Variants in PPM1H observed in about 807,000 individuals in gnomAD.
PPM1H encodes the protein protein phosphatase 1H.
Under a neutral mutation model 54.9 loss-of-function variants are expected in PPM1H, and 27 were observed. The observed-to-expected ratio is 0.49, with a 90% CI of 0.36 to 0.68. PPM1H has a LOEUF of 0.68. PPM1H is among the 30% of genes least tolerant of loss of function. PPM1H has a pLI of 0.00. For synonymous variants in PPM1H, 305 were observed against 270.8 expected (o/e 1.13, Z -1.24); for missense variants, 596 against 667.8 (o/e 0.89, Z 1.19).
At chr12:62,674,326 T>C (rs369238447) in intron 8 of PPM1H, among the ~76,000 whole-genome samples, 7 of 152,256 alleles carry the variant, frequency 4.6e-5, no homozygotes, top group African/African-American at 1.7e-4. Flanking sequence ...ATAGCCAAGG[T>C]GGTTCCCAAG....
chr12:62,661,119 G>A lies in PPM1H; in HGVS notation c.1397+6059C>T, dbSNP rs112387572. ...GACCAGTCAGCCACACTGACTGTTG[G>A]GTCCCAGAATGTGCCATGTTTTTTC... On this transcript the variant is annotated intron_variant, in intron 9 of 9. Transcript: ENST00000228705. 2.6e-4 allele frequency among the ~76,000 whole-genome samples: 39 copies of A among 152,156 alleles called. 1 individual carries two copies. Among genetic ancestry groups the A allele is most frequent in the African/African-American group, 8.7e-4 (36 of 41,504 alleles).
At position 62,908,657 on chromosome 12, in the gene PPM1H, C is replaced by T. The variant is rs146259869; in HGVS notation, c.245+25835G>A. On this transcript the variant is annotated intron_variant, in intron 1 of 9. Coordinates refer to ENST00000228705, the MANE Select transcript of PPM1H (RefSeq NM_020700.2). ...TGTATCATAGTAGGGGCTGCAACCA[C>T]CCGAAGGAATGGACTCCTCTTAAGT... 1.1e-3 allele frequency among the ~76,000 whole-genome samples: 168 copies of T among 152,172 alleles called. 1 individual carries two copies. The highest frequency in any genetic ancestry group is 3.9e-3 in the African/African-American group (163 of 41,508).
In PPM1H at chr12:62,934,903, CCCGGCCTCTCGT is replaced by C. The variant is rs1242493229; in HGVS notation, c.-179_-168del. ...AGCCTAGTGCTGCAGGGGGCCGAGC[CCCGGCCTCTCGT>C]GCTTAGTGCCGCGGTGGCCGCCGCC... On this transcript the variant is annotated 5_prime_UTR_variant, in exon 1 of 10. Coordinates refer to ENST00000228705, the MANE Select transcript of PPM1H (RefSeq NM_020700.2). This position sits in a 1 kb window ranked among gnomAD's most constrained non-coding sequence, Gnocchi z 4.2. The C allele has an allele frequency of 1.9e-6, 1 of 529,750 alleles. No homozygotes were observed. The highest frequency in any genetic ancestry group is 2.7e-6 in the Non-Finnish European group (1 of 365,248). The allele number at this position is 529,750 out of a possible 1,614,324, so 32.8% of individuals were successfully genotyped here. A position where few individuals can be genotyped will look rare whatever the true frequency, so the allele number is the denominator to read the frequency against.
intron 4 of PPM1H, among the ~76,000 whole-genome samples, chr12:62,783,514 T>C (rs993519221): frequency 6.6e-6 from 1 of 152,264 alleles, no homozygotes; most frequent in African/African-American, 2.4e-5. Flanking sequence ...AAGATCGAAC[T>C]CCCAGTCTTG....
intron 1 of PPM1H, among the ~76,000 whole-genome samples, chr12:62,883,767 T>C (rs895787299): frequency 6.6e-6 from 1 of 152,050 alleles, no homozygotes; most frequent in African/African-American, 2.4e-5. Flanking sequence ...CAGTTTGAGT[T>C]TTCAAAAATA....
At chr12:62,829,445 A>G (rs867180717) in intron 2 of PPM1H, among the ~76,000 whole-genome samples, 9 of 152,246 alleles carry the variant, frequency 5.9e-5, no homozygotes, top group African/African-American at 1.9e-4. Context: ...TTGTACAAAC[A>G]TGTGAATATA....
At chr12:62,685,951 A>T (rs2076048657) in intron 8 of PPM1H, among the ~76,000 whole-genome samples, 1 of 152,238 alleles carries the variant, frequency 6.6e-6, no homozygotes, top group Admixed American at 6.5e-5. Context: ...AGTTAATAAC[A>T]ATTAGTTTTA....
At chr12:62,667,472 C>A (rs750646483) in intron 8 of PPM1H, 143 bp from the exon 9 acceptor site, 47 of 733,510 alleles carry the variant, frequency 6.4e-5, no homozygotes, top group Non-Finnish European at 8.3e-5. Flanking sequence ...GATTATACAG[C>A]GAGCTGTGTG....
chr12:62,841,411 C>A (rs983980690), intron 1 of PPM1H, among the ~76,000 whole-genome samples: 4 of 152,174 alleles, frequency 2.6e-5, no homozygotes, highest in African/African-American at 9.7e-5. Context: ...TTTGCTGGAA[C>A]ACAGCCACAT....
chr12:62,707,199 T>C (rs1376501936), intron 6 of PPM1H, among the ~76,000 whole-genome samples: 4 of 152,184 alleles, frequency 2.6e-5, no homozygotes, highest in Non-Finnish European at 4.4e-5. Flanking sequence ...CATGTATTTA[T>C]ACTATGTGTG....
At chr12:62,752,736 C>T (rs1279173249) in intron 4 of PPM1H, among the ~76,000 whole-genome samples, 1 of 152,016 alleles carries the variant, frequency 6.6e-6, no homozygotes, top group African/African-American at 2.4e-5. Context: ...TTACAACTGT[C>T]CAAGTAAAAA....
chr12:62,800,398 A>G (rs1330590102), intron 3 of PPM1H, among the ~76,000 whole-genome samples: 1 of 151,368 alleles, frequency 6.6e-6, no homozygotes, highest in Non-Finnish European at 1.5e-5. Context: ...GTGCAGTGGC[A>G]TGATCTCAGC....
At chr12:62,896,960 T>C (rs1379339727) in intron 1 of PPM1H, among the ~76,000 whole-genome samples, 1 of 151,948 alleles carries the variant, frequency 6.6e-6, no homozygotes, top group Non-Finnish European at 1.5e-5. Flanking sequence ...GGGACATGGA[T>C]GAAGCTGGAA....
rs552365836 is a variant in PPM1H, at chr12:62,844,106, A to G, written c.246-11827T>C. Among the ~76,000 whole-genome samples, 11 of 152,340 alleles carry G rather than the reference A, an allele frequency of 7.2e-5. No individual in the cohort carries two copies. The South Asian group carries it at 1.9e-3, about 26-fold the overall frequency. Reference sequence around the variant, plus strand: ...CCTTAAATAACGAGATTCAGAAATTATGATTAAGCATCGAGTTTATTCCAG... The same window carrying G: ...CCTTAAATAACGAGATTCAGAAATTGTGATTAAGCATCGAGTTTATTCCAG... On this transcript the variant is annotated intron_variant, in intron 1 of 9. Coordinates refer to ENST00000228705, the MANE Select transcript of PPM1H (RefSeq NM_020700.2). The surrounding 1 kb of genome is among the most constrained non-coding windows in gnomAD (Gnocchi z 5.2).
At chr12:62,878,149 C>T (rs1348117240) in intron 1 of PPM1H, among the ~76,000 whole-genome samples, 5 of 152,174 alleles carry the variant, frequency 3.3e-5, no homozygotes, top group Admixed American at 2.6e-4. Flanking sequence ...CCACCCACCT[C>T]GGCCTCCCAA....
At chr12:62,882,525 A>G (rs1870433188) in intron 1 of PPM1H, among the ~76,000 whole-genome samples, 1 of 152,228 alleles carries the variant, frequency 6.6e-6, no homozygotes, top group South Asian at 2.1e-4. Context: ...CTTGGATCAG[A>G]CGCAGCCCAA....
rs575558266 is a variant in PPM1H at position 62,795,443 on chromosome 12, A to G, written c.756+6373T>C. Among the ~76,000 whole-genome samples, 15 of 149,470 alleles carry G rather than the reference A, an allele frequency of 1.0e-4. No homozygotes were observed. In the Middle Eastern group the frequency reaches 0.014, roughly 139 times the overall value. On this transcript the variant is annotated intron_variant, in intron 3 of 9. Coordinates refer to ENST00000228705, the MANE Select transcript of PPM1H (RefSeq NM_020700.2). ...GACTACAAATGCCCCCAGATAAAAT[A>G]TATATATATATATATTTTTGAGACA...
chr12:62,677,962 G>A (rs2075997285), intron 8 of PPM1H, among the ~76,000 whole-genome samples: 1 of 152,028 alleles, frequency 6.6e-6, no homozygotes, highest in Non-Finnish European at 1.5e-5. Flanking sequence ...TCAAAGACAG[G>A]GTCTTGCTCT....
chr12:62,741,377 C>T (rs955465313), intron 4 of PPM1H, among the ~76,000 whole-genome samples: 3 of 152,210 alleles, frequency 2.0e-5, no homozygotes, highest in African/African-American at 4.8e-5. Context: ...TCCTCTGCCC[C>T]GTGCTTCATA....
Sources: allele counts gnomAD v4.1 joint callset (sites outside exome capture counted in the v4.1 genomes callset), GRCh38; gene constraint gnomAD v4.1.1; non-coding constraint Gnocchi (gnomAD v3.1); transcripts MANE v1.5; gene names NCBI Gene and HGNC (gene_info 2026-07-23, HGNC 2026-07-21).